GRIA4: variants seen among roughly 807,000 people sequenced by gnomAD.
GRIA4 encodes glutamate receptor 4.
In GRIA4, 34 loss-of-function variants were observed where a neutral mutation model predicts 104.0. The ratio of observed to expected loss-of-function variants is 0.33; its 90% CI spans 0.25 to 0.44. GRIA4 has a LOEUF of 0.44. GRIA4 is among the 20% of genes least tolerant of loss of function. The pLI is 1.00. For missense variants in GRIA4, 750 were observed against 1,096.5 expected (o/e 0.68, Z 4.46); for synonymous variants, 386 against 381.9 (o/e 1.01, Z -0.13).
intron 4 of GRIA4, among the ~76,000 whole-genome samples, chr11:105,769,160 C>T (rs753041843): frequency 3.2e-4 from 48 of 152,046 alleles, no homozygotes; most frequent in Non-Finnish European, 5.6e-4. Flanking sequence ...CAGACCTGGG[C>T]CAGTGACTGG....
At chr11:105,804,834 A>AT (rs1942878462) in intron 4 of GRIA4, among the ~76,000 whole-genome samples, 1 of 151,996 alleles carries the variant, frequency 6.6e-6, no homozygotes, top group Non-Finnish European at 1.5e-5. Flanking sequence ...TATTAGATGT[A>AT]AAGATCATTG....
chr11:105,785,457 A>G (rs147570919), intron 4 of GRIA4, among the ~76,000 whole-genome samples: 114 of 152,336 alleles, frequency 7.5e-4, no homozygotes, highest in Non-Finnish European at 1.3e-3. Flanking sequence ...ACACCAGTTA[A>G]GATTTATTTA....
In GRIA4 at chr11:105,643,822, G is replaced by A. The variant is rs995682238; in HGVS notation, c.247+31388G>A. Among the ~76,000 whole-genome samples the A allele has an allele frequency of 4.6e-5, 7 of 152,134 alleles. No homozygotes were observed. In the East Asian group the frequency reaches 7.7e-4, roughly 17 times the overall value. ...CAACCTCTGCCTCCCAGGTTGAAGCGATTCTCCTGCCTAAGCCTCCCCAGT... is the reference window on the plus strand; with the variant it reads ...CAACCTCTGCCTCCCAGGTTGAAGCAATTCTCCTGCCTAAGCCTCCCCAGT... On this transcript the variant is annotated intron_variant, in intron 3 of 16. Transcript: ENST00000282499.
At chr11:105,899,186 T>C (rs932441896) in intron 7 of GRIA4, among the ~76,000 whole-genome samples, 2 of 152,192 alleles carry the variant, frequency 1.3e-5, no homozygotes, top group Non-Finnish European at 2.9e-5. Context: ...TCTGCTTCTA[T>C]TTTCTAATTA....
In GRIA4 at chr11:105,647,023, T is replaced by C. The variant is rs148272435; in HGVS notation, c.247+34589T>C. On this transcript the variant is annotated intron_variant, in intron 3 of 16. Coordinates refer to ENST00000282499, the MANE Select transcript of GRIA4 (RefSeq NM_000829.4). ...ATCAGCAGAGTGATCAGACAGCCTA[T>C]AGAATGGGAGAAAATATTTGCAAAC... Among the ~76,000 whole-genome samples, 198 of 152,222 alleles carry C rather than the reference T, an allele frequency of 1.3e-3. 1 individual carries two copies. Among genetic ancestry groups the C allele is most frequent in the African/African-American group, 4.6e-3 (192 of 41,554 alleles).
chr11:105,681,896 G>A (rs922650777), intron 3 of GRIA4, among the ~76,000 whole-genome samples: 3 of 152,046 alleles, frequency 2.0e-5, no homozygotes, highest in African/African-American at 7.2e-5. Context: ...ATAAAAATTA[G>A]CCAAGCATGG....
intron 10 of GRIA4, chr11:105,912,099 T>C: frequency 9.1e-7 from 1 of 1,099,342 alleles, no homozygotes; most frequent in Non-Finnish European, 1.1e-6. Context: ...GAAGAATTAA[T>C]CTTCATCTTT....
intron 11 of GRIA4, among the ~76,000 whole-genome samples, chr11:105,921,234 C>G (rs1947549454): frequency 6.6e-6 from 1 of 152,006 alleles, no homozygotes; most frequent in Non-Finnish European, 1.5e-5. Context: ...TGCCTGTGCA[C>G]TAAAGCCAGC....
At chr11:105,771,023 C>T (rs900861624) in intron 4 of GRIA4, among the ~76,000 whole-genome samples, 2 of 151,868 alleles carry the variant, frequency 1.3e-5, no homozygotes, top group African/African-American at 4.8e-5. Flanking sequence ...CCTTAAGTTT[C>T]TCCTCCTCCT....
At chr11:105,934,655 T>C (rs1031243076) in intron 14 of GRIA4, among the ~76,000 whole-genome samples, 12 of 152,168 alleles carry the variant, frequency 7.9e-5, no homozygotes, top group Admixed American at 5.9e-4. Flanking sequence ...TGAAATGTGG[T>C]TAATGAGCAA....
At chr11:105,734,296 G>C (rs900913553) in intron 3 of GRIA4, among the ~76,000 whole-genome samples, 12 of 151,894 alleles carry the variant, frequency 7.9e-5, no homozygotes, top group African/African-American at 2.4e-4. Flanking sequence ...TGTAAATTTT[G>C]CCTAACACTC....
chr11:105,649,467 C>G (rs1334777003), intron 3 of GRIA4, among the ~76,000 whole-genome samples: 2 of 152,006 alleles, frequency 1.3e-5, no homozygotes, highest in Non-Finnish European at 2.9e-5. Context: ...TTCCATTGTT[C>G]TCAATTCTAT....
chr11:105,719,534 G>A (rs1044680681), intron 3 of GRIA4, among the ~76,000 whole-genome samples: 1 of 152,116 alleles, frequency 6.6e-6, no homozygotes, highest in African/African-American at 2.4e-5. Context: ...TGTAGTCCAG[G>A]ATATGACACA....
intron 6 of GRIA4, among the ~76,000 whole-genome samples, chr11:105,894,856 G>A (rs1946591626): frequency 9.9e-6 from 1 of 101,182 alleles, no homozygotes; most frequent in Non-Finnish European, 2.1e-5. Context: ...GCGGACTGCA[G>A]TGGCGCAATC....
chr11:105,702,373 A>C (rs546876558), intron 3 of GRIA4, among the ~76,000 whole-genome samples: 96 of 152,262 alleles, frequency 6.3e-4, no homozygotes, highest in African/African-American at 2.2e-3. Context: ...TAGAAAACAC[A>C]ATGGTAAATA....
chr11:105,792,685 C>T (rs1055408646), intron 4 of GRIA4, among the ~76,000 whole-genome samples: 7 of 152,004 alleles, frequency 4.6e-5, no homozygotes, highest in Middle Eastern at 3.4e-3. Flanking sequence ...AAAGGAATGG[C>T]GGTTATACAT....
intron 3 of GRIA4, among the ~76,000 whole-genome samples, chr11:105,622,586 C>T (rs1950776525): frequency 6.6e-6 from 1 of 151,638 alleles, no homozygotes; most frequent in Non-Finnish European, 1.5e-5. Context: ...TCACTCACCA[C>T]CTGACCAAAT....
chr11:105,867,240 T>C (rs1945454092), intron 5 of GRIA4, among the ~76,000 whole-genome samples: 1 of 152,024 alleles, frequency 6.6e-6, no homozygotes, highest in South Asian at 2.1e-4. Flanking sequence ...CAGGGCAAGA[T>C]CAATGAGAAA....
At chr11:105,818,789 T>C (rs1339521583) in intron 4 of GRIA4, among the ~76,000 whole-genome samples, 2 of 152,154 alleles carry the variant, frequency 1.3e-5, no homozygotes, top group East Asian at 1.9e-4. Flanking sequence ...CAGATATAAG[T>C]AACCTTTACT....
Sources: gnomAD v4.1 joint callset for allele counts (sites outside exome capture counted in the v4.1 genomes callset) on GRCh38, gnomAD v4.1.1 for gene constraint, MANE v1.5 for transcripts, NCBI Gene and HGNC (gene_info 2026-07-23, HGNC 2026-07-21) for gene names.